The following GLI3 variants were observed in gnomAD, a reference collection of about 807,000 sequenced individuals.
GLI3 encodes the protein transcription activator GLI3.
A neutral mutation model predicts 100.8 loss-of-function variants in GLI3; 20 were observed. That is an observed-to-expected ratio of 0.20 (90% CI 0.14 to 0.29). GLI3 has a LOEUF of 0.29. GLI3 is among the 10% of genes least tolerant of loss of function. The pLI is 1.00. For missense variants in GLI3, 2,040 were observed against 2,128.5 expected (o/e 0.96, Z 0.82); for synonymous variants, 938 against 860.5 (o/e 1.09, Z -1.58).
chr7:42,030,814 G>C (rs1432609327), intron 7 of GLI3, among the ~76,000 whole-genome samples: 1 of 151,632 alleles, frequency 6.6e-6, no homozygotes, highest in African/African-American at 2.4e-5. Flanking sequence ...CGCCTCCCAG[G>C]TTCAAGCGAT....
chr7:42,123,056 A>G (rs572381862), intron 3 of GLI3, among the ~76,000 whole-genome samples: 26 of 152,358 alleles, frequency 1.7e-4, no homozygotes, highest in African/African-American at 6.0e-4. Flanking sequence ...TAGCATTCAT[A>G]TCGGTAAAAT....
upstream of GLI3, among the ~76,000 whole-genome samples, chr7:42,241,387 T>G (rs1050175362): frequency 2.0e-5 from 3 of 152,124 alleles, no homozygotes; most frequent in Non-Finnish European, 2.9e-5. Context: ...CTTTCCTGGG[T>G]CCTGGTGATT....
upstream of GLI3, chr7:42,237,814 C>T (rs1395519513): frequency 6.6e-6 from 1 of 151,606 alleles, no homozygotes; most frequent in Non-Finnish European, 1.5e-5. Context: ...CAGGCCGCGC[C>T]GGGAGCCCCC....
At chr7:42,072,153 G>C (rs575594704) in intron 4 of GLI3, among the ~76,000 whole-genome samples, 1 of 152,198 alleles carries the variant, frequency 6.6e-6, no homozygotes, top group Non-Finnish European at 1.5e-5. Context: ...AGCAAGAGCA[G>C]CTCACAGCTC....
intron 3 of GLI3, among the ~76,000 whole-genome samples, chr7:42,128,090 A>G (rs60803488): frequency 0.026 from 3,979 of 152,156 alleles, 165 homozygotes; most frequent in African/African-American, 0.09. Context: ...AGTATCTTCA[A>G]ATAGACTTAA....
chr7:41,976,893 C>T (rs1429849225), intron 12 of GLI3, among the ~76,000 whole-genome samples: 2 of 152,164 alleles, frequency 1.3e-5, no homozygotes, highest in Admixed American at 6.5e-5. Flanking sequence ...TTATGCCTCT[C>T]TACAATTTAG....
chr7:41,978,833 C>A (rs1309733573), intron 10 of GLI3, 85 bp from the exon 11 acceptor site: 2 of 1,214,646 alleles, frequency 1.6e-6, no homozygotes, highest in African/African-American at 1.5e-5. Context: ...AGAAAATACC[C>A]CAATCTTAAA....
At position 42,055,255 on chromosome 7, in the gene GLI3, G is replaced by A. The variant is rs142494558; in HGVS notation, c.474-6559C>T. On this transcript the variant is annotated intron_variant, in intron 4 of 14. Coordinates refer to ENST00000395925, the MANE Select transcript of GLI3 (RefSeq NM_000168.6). Reference sequence around the variant, plus strand: ...TTTTTTTTCCCTCTATGCAAGGTAAGCTTTCAGATAACCTCTGCCCTAGAA... The same window carrying A: ...TTTTTTTTCCCTCTATGCAAGGTAAACTTTCAGATAACCTCTGCCCTAGAA... 4.1e-3 allele frequency among the ~76,000 whole-genome samples: 617 copies of A among 151,968 alleles called. 5 individuals are homozygous for A. In the Middle Eastern group the frequency reaches 0.065, roughly 16 times the overall value.
intron 1 of GLI3, among the ~76,000 whole-genome samples, chr7:42,244,257 A>G (rs1039334769): frequency 2.0e-5 from 3 of 152,256 alleles, no homozygotes; most frequent in African/African-American, 2.4e-5. Flanking sequence ...TCTTGTAGAT[A>G]CCATCCAGAG....
chr7:42,077,622 C>T (rs982618771), intron 3 of GLI3, among the ~76,000 whole-genome samples: 4 of 151,894 alleles, frequency 2.6e-5, no homozygotes, highest in Admixed American at 1.3e-4. Context: ...CCCAGTCCAA[C>T]GCTCCGGGTT....
chr7:42,108,888 A>G (rs1785638024), intron 3 of GLI3, among the ~76,000 whole-genome samples: 2 of 151,910 alleles, frequency 1.3e-5, no homozygotes, highest in South Asian at 4.2e-4. Flanking sequence ...CGACGTCCCC[A>G]TCCCACCCTC....
upstream of GLI3, among the ~76,000 whole-genome samples, chr7:42,239,776 G>A (rs183513905): frequency 1.3e-5 from 2 of 152,310 alleles, no homozygotes; most frequent in Non-Finnish European, 2.9e-5. Context: ...GAATAATGCT[G>A]TGTCTCTTAT....
chr7:42,074,478 A>C (rs907417065), intron 4 of GLI3, among the ~76,000 whole-genome samples: 2 of 152,252 alleles, frequency 1.3e-5, no homozygotes, highest in Non-Finnish European at 2.9e-5. Context: ...AAGCAAGAGG[A>C]AAAGCATCAC....
chr7:42,018,867 G>T (rs1788848061), intron 10 of GLI3, among the ~76,000 whole-genome samples: 1 of 152,184 alleles, frequency 6.6e-6, no homozygotes, highest in South Asian at 2.1e-4. Flanking sequence ...CCCAGTTGAA[G>T]CTGGGTGCTA....
chr7:42,244,828 A>G (rs1475632359), intron 1 of GLI3, among the ~76,000 whole-genome samples: 1 of 152,260 alleles, frequency 6.6e-6, no homozygotes, highest in Non-Finnish European at 1.5e-5. Flanking sequence ...CCCAAATAAG[A>G]GAGACTTGGT....
intron 10 of GLI3, among the ~76,000 whole-genome samples, chr7:42,003,520 T>C (rs1788366913): frequency 6.6e-6 from 1 of 152,048 alleles, no homozygotes; most frequent in African/African-American, 2.4e-5. Flanking sequence ...AATAAAATAA[T>C]GAAGGTGATT....
chr7:42,030,007 A>G (rs1473582716), intron 7 of GLI3, among the ~76,000 whole-genome samples: 1 of 152,218 alleles, frequency 6.6e-6, no homozygotes, highest in Admixed American at 6.5e-5. Context: ...CTGCTGCAAC[A>G]AACAGCCCAA....
intron 3 of GLI3, among the ~76,000 whole-genome samples, chr7:42,100,578 T>C (rs1395858849): frequency 9.0e-6 from 1 of 110,718 alleles, no homozygotes; most frequent in South Asian, 2.7e-4. Context: ...TCTACAAACA[T>C]AAAAAAAAAA....
At chr7:41,996,650 A>G (rs1268753516) in intron 10 of GLI3, among the ~76,000 whole-genome samples, 1 of 152,196 alleles carries the variant, frequency 6.6e-6, no homozygotes, top group Admixed American at 6.5e-5. Context: ...TCCTAAACGT[A>G]AAAACAGTTC....
Sources: allele counts gnomAD v4.1 joint callset (sites outside exome capture counted in the v4.1 genomes callset), GRCh38; gene constraint gnomAD v4.1.1; transcripts MANE v1.5; gene names NCBI Gene and HGNC (gene_info 2026-07-23, HGNC 2026-07-21).